CSTF3: variants seen among roughly 807,000 people sequenced by gnomAD.
CSTF3 encodes the protein cleavage stimulation factor subunit 3, also known as CF-1 77 kDa subunit.
In CSTF3, 29 loss-of-function variants were observed where a neutral mutation model predicts 105.8. That is an observed-to-expected ratio of 0.27 (90% CI 0.20 to 0.37). The LOEUF is 0.37. Among genes scored for constraint, CSTF3 ranks in the 10% least tolerant of loss-of-function variants. CSTF3 has a pLI of 1.00. For missense variants in CSTF3, 357 were observed against 879.3 expected, an observed-to-expected ratio of 0.41 and a Z score of 7.51; for synonymous variants, 252 against 281.9, an observed-to-expected ratio of 0.89 and a Z score of 1.06.
rs143051189 is a variant in CSTF3 at position 33,141,712 on chromosome 11, C to T, written c.180G>A (p.Gln60=). ...ARKTYERLVA[Q]FPSSGRFWKL... ...TCCAGAATCTGCCAGAACTGGGGAA[C>T]TGGGCAACAAGGCGTTCATAAGTCT... Residue 60 remains glutamine (Q), a synonymous_variant, in exon 3 of 21, where the codon CAG becomes CAA. Coordinates refer to ENST00000323959, the MANE Select transcript of CSTF3 (RefSeq NM_001326.3). The T allele has an allele frequency of 2.5e-5, 40 of 1,611,842 alleles. No homozygotes were observed. Among genetic ancestry groups the T allele is most frequent in the Non-Finnish European group, 3.1e-5 (36 of 1,179,420 alleles).
chr11:33,089,545 A>T (rs1315154704), intron 17 of CSTF3, among the ~76,000 whole-genome samples: 2 of 152,222 alleles, frequency 1.3e-5, no homozygotes, highest in East Asian at 3.8e-4. Context: ...TTGACTTTTC[A>T]TTGAGAAGTA....
chr11:33,136,446 G>A (rs1183324851), intron 3 of CSTF3, among the ~76,000 whole-genome samples: 9 of 151,924 alleles, frequency 5.9e-5, no homozygotes. Flanking sequence ...GATGTCACTG[G>A]TAATATTTTA....
intron 3 of CSTF3, among the ~76,000 whole-genome samples, chr11:33,123,177 T>G (rs1034129240): frequency 1.3e-5 from 2 of 151,194 alleles, no homozygotes; most frequent in African/African-American, 4.9e-5. Context: ...AATGTGCTCT[T>G]GTAAAGATGA....
chr11:33,099,766 T>TGTA lies in CSTF3; in HGVS notation c.827-52_827-50dup. ...ATATTCAATTAAAATAATTATTATT[T>TGTA]GTAAAACTATCAATGTAAATATCAT... On this transcript the variant is annotated intron_variant, in intron 10 of 20. Coordinates refer to ENST00000323959, the MANE Select transcript of CSTF3 (RefSeq NM_001326.3). The surrounding 1 kb of genome is among the most constrained non-coding windows in gnomAD (Gnocchi z 4.1). The TGTA allele has an allele frequency of 8.5e-7, 1 of 1,182,314 alleles. No individual in the cohort carries two copies. Among genetic ancestry groups the TGTA allele is most frequent in the East Asian group, 2.7e-5 (1 of 37,192 alleles). The allele number at this position is 1,182,314 out of a possible 1,614,324, so 73.2% of individuals were successfully genotyped here.
intron 1 of CSTF3, among the ~76,000 whole-genome samples, chr11:33,160,300 C>A (rs1239722080): frequency 6.6e-6 from 1 of 152,048 alleles, no homozygotes; most frequent in Non-Finnish European, 1.5e-5. Context: ...TGCAATAGAA[C>A]GCTCCTATTT....
rs1331680486 is a variant in CSTF3, at chr11:33,085,153, T to G, written c.2088A>C (p.Glu696Asp). 1.2e-5 allele frequency: 20 copies of G among 1,614,220 alleles called. No individual in the cohort carries two copies. Among genetic ancestry groups the G allele is most frequent in the Admixed American group, 3.3e-5 (2 of 60,024 alleles). Reference protein sequence around the residue: ...RPNEDSDEDEEKGAVVPPVHD... With the variant: ...RPNEDSDEDEDKGAVVPPVHD... The stretch of plus-strand genomic sequence containing the variant: ...GAACAGGGGGGACAACGGCTCCCTT[T>G]TCTTCATCTTCATCTGAATCCTCGT... The change falls in exon 21 of 21, where the codon GAA becomes GAC. Residue 696 changes from glutamate to aspartate, a missense_variant. Physicochemically the swap from Glu to Asp is conservative, Grantham distance 45. This residue lies in a region of CSTF3 where 73 missense variants were observed against 105.8 expected (regional missense o/e 0.69). Coordinates refer to ENST00000323959, the MANE Select transcript of CSTF3 (RefSeq NM_001326.3).
chr11:33,150,727 G>A (rs1855849438), intron 1 of CSTF3, among the ~76,000 whole-genome samples: 1 of 151,896 alleles, frequency 6.6e-6, no homozygotes, highest in African/African-American at 2.4e-5. Context: ...GTGGTGGCAG[G>A]TATCTGTAAT....
chr11:33,095,447 T>C (rs1855210123), intron 15 of CSTF3, among the ~76,000 whole-genome samples: 1 of 152,232 alleles, frequency 6.6e-6, no homozygotes, highest in Non-Finnish European at 1.5e-5. Flanking sequence ...GATATACATA[T>C]ATGAATTATC....
chr11:33,134,830 AGT>A, intron 3 of CSTF3, among the ~76,000 whole-genome samples: 1 of 152,312 alleles, frequency 6.6e-6, no homozygotes, highest in African/African-American at 2.4e-5. Context: ...ACCTGACTAT[AGT>A]AAGTTAGAAA....
chr11:33,159,007 T>G (rs1015320704), intron 1 of CSTF3, among the ~76,000 whole-genome samples: 2 of 152,164 alleles, frequency 1.3e-5, no homozygotes, highest in African/African-American at 4.8e-5. Flanking sequence ...ATCACATTCT[T>G]GGGACAAATG....
intron 1 of CSTF3, among the ~76,000 whole-genome samples, chr11:33,150,270 T>C (rs1040569143): frequency 2.0e-5 from 3 of 150,902 alleles, no homozygotes; most frequent in African/African-American, 7.3e-5. Context: ...CAGGGCAAGT[T>C]TCCAATGCCC....
At chr11:33,159,595 CAAAAAAAAAAAAA>C (rs71034656) in intron 1 of CSTF3, among the ~76,000 whole-genome samples, 3 of 37,958 alleles carry the variant, frequency 7.9e-5, no homozygotes, top group African/African-American at 1.1e-4. Context: ...GGCTCCATCT[CAAAAAAAAAAAAA>C]AAAAAAAAAA....
At chr11:33,125,779 G>C (rs550770019) in intron 3 of CSTF3, among the ~76,000 whole-genome samples, 32 of 152,284 alleles carry the variant, frequency 2.1e-4, no homozygotes, top group African/African-American at 7.7e-4. Flanking sequence ...TAAAATTGAA[G>C]CTCAAGTCTT....
In CSTF3 at chr11:33,102,290, GGCACCGAGGGA is replaced by G. The variant is rs1383052460; in HGVS notation, c.702_712del (p.Pro235SerfsTer43). ...AGCTTCTTGAGGAGTATTCTGAGGA[GGCACCGAGGGA>G]GCATTACGGTCCAAGCCTTTCATTA... On this transcript the variant is annotated frameshift_variant, in exon 10 of 21. Coordinates refer to ENST00000323959, the MANE Select transcript of CSTF3 (RefSeq NM_001326.3). LOFTEE classifies it high-confidence loss of function. 1 of 1,613,932 alleles carries G rather than the reference GGCACCGAGGGA, an allele frequency of 6.2e-7. No individual in the cohort carries two copies.
intron 20 of CSTF3, 128 bp downstream of exon 20, chr11:33,085,585 C>A: frequency 1.2e-6 from 1 of 815,460 alleles, no homozygotes; most frequent in Non-Finnish European, 2.0e-6. Flanking sequence ...TGGGTAACTC[C>A]TGGGTTTCAC....
rs773515626 is a variant in CSTF3, at chr11:33,144,866, G to A, written c.28-2880C>T. On this transcript the variant is annotated intron_variant, in intron 1 of 20. Transcript: ENST00000323959. The stretch of plus-strand genomic sequence containing the variant: ...GTGTGCCACACACCTGTAGTCTCAC[G>A]TACTTGGGAAGCTGCGGTGGGATCG... 33 of 247,888 alleles carry A rather than the reference G, an allele frequency of 1.3e-4. 1 individual carries two copies. The Admixed American group carries it at 1.5e-3, about 11-fold the overall frequency. The allele number at this position is 247,888 out of a possible 1,614,324, so 15.4% of individuals were successfully genotyped here.
At chr11:33,105,083 C>A (rs1046559855) in intron 8 of CSTF3, among the ~76,000 whole-genome samples, 1 of 152,092 alleles carries the variant, frequency 6.6e-6, no homozygotes, top group African/African-American at 2.4e-5. Context: ...GCTTATTTGG[C>A]ATGTGTATTT....
At position 33,103,216 on chromosome 11, in the gene CSTF3, G is replaced by T. The variant is rs201659792; in HGVS notation, c.586-32C>A. 6.9e-5 allele frequency: 75 copies of T among 1,079,728 alleles called. No homozygotes were observed. The East Asian group carries it at 2.1e-3, about 30-fold the overall frequency. 66.9% of individuals were successfully genotyped at this position (1,079,728 alleles called of 1,614,324 possible). A position where few individuals can be genotyped will look rare whatever the true frequency, so the allele number is the denominator to read the frequency against. ...AAAAACAAAAATATTTTAAAATTAA[G>T]TATAGTTTCTTAAAAATTAGTACAA... On this transcript the variant is annotated intron_variant, in intron 8 of 20. Coordinates refer to ENST00000323959, the MANE Select transcript of CSTF3 (RefSeq NM_001326.3).
intron 3 of CSTF3, among the ~76,000 whole-genome samples, chr11:33,125,774 T>C (rs1404468445): frequency 6.6e-6 from 1 of 152,214 alleles, no homozygotes; most frequent in Admixed American, 6.5e-5. Flanking sequence ...GCGTTTAAAA[T>C]TGAAGCTCAA....
Sources: allele counts gnomAD v4.1 joint callset (sites outside exome capture counted in the v4.1 genomes callset), GRCh38; gene constraint gnomAD v4.1.1; regional missense constraint gnomAD v4.1.1; non-coding constraint Gnocchi (gnomAD v3.1); transcripts MANE v1.5; gene names NCBI Gene and HGNC (gene_info 2026-07-23, HGNC 2026-07-21).